Variants in RBPJ observed in about 807,000 individuals in gnomAD.
RBPJ encodes recombining binding protein suppressor of hairless.
In RBPJ, 9 loss-of-function variants were observed where a neutral mutation model predicts 67.8. The ratio of observed to expected loss-of-function variants is 0.13; its 90% confidence interval spans 0.08 to 0.23. RBPJ has a LOEUF of 0.23. Among genes scored for constraint, RBPJ ranks in the 10% least tolerant of loss-of-function variants. The probability of loss-of-function intolerance (pLI) is 1.00; values close to 1 mark genes in which losing one functional copy is unlikely to be tolerated. For synonymous variants in RBPJ, 198 were observed against 203.3 expected, an observed-to-expected ratio of 0.97 and a Z score of 0.22; for missense variants, 305 against 595.6, an observed-to-expected ratio of 0.51 and a Z score of 5.08.
At chr4:26,381,353 C>G (rs1730312442) in intron 1 of RBPJ, among the ~76,000 whole-genome samples, 1 of 151,906 alleles carries the variant, frequency 6.6e-6, no homozygotes, top group Admixed American at 6.6e-5. Context: ...CTTGAAAATT[C>G]TAATGGATTG....
chr4:26,334,066 A>G (rs1724542447), intron 1 of RBPJ, among the ~76,000 whole-genome samples: 1 of 146,086 alleles, frequency 6.8e-6, no homozygotes, highest in East Asian at 2.0e-4. Flanking sequence ...TTTTTGATGG[A>G]GTCTCGCTCC....
At chr4:26,331,087 G>A (rs969297524) in intron 1 of RBPJ, among the ~76,000 whole-genome samples, 2 of 152,152 alleles carry the variant, frequency 1.3e-5, no homozygotes, top group East Asian at 1.9e-4. Flanking sequence ...TTTGTTTTAG[G>A]GGGAGGGGAA....
intron 1 of RBPJ, among the ~76,000 whole-genome samples, chr4:26,182,063 C>G (rs1184318432): frequency 6.6e-6 from 1 of 152,196 alleles, no homozygotes; most frequent in African/African-American, 2.4e-5. Flanking sequence ...TGACTCTTGG[C>G]TGGGTGCGGT....
At chr4:26,127,284 G>A in the RBPJ span, among the ~76,000 whole-genome samples, 543 of 152,300 alleles carry the variant, frequency 3.6e-3, 1 homozygote, top group Non-Finnish European at 6.2e-3. Flanking sequence ...TTCAGCTTCC[G>A]TTGCTGCTGC....
the RBPJ span, among the ~76,000 whole-genome samples, chr4:26,109,248 T>C: frequency 2.0e-5 from 3 of 151,052 alleles, no homozygotes; most frequent in Admixed American, 6.6e-5. Flanking sequence ...GCTGGGATTA[T>C]AGGCATGGCC....
chr4:26,370,015 T>C (rs73121163), intron 1 of RBPJ, among the ~76,000 whole-genome samples: 2,810 of 152,308 alleles, frequency 0.018, 98 homozygotes, highest in African/African-American at 0.063. Context: ...TGAGAAGTTA[T>C]CTGACCAACA....
At chr4:26,274,621 G>A (rs1035856059) in intron 1 of RBPJ, among the ~76,000 whole-genome samples, 6 of 151,460 alleles carry the variant, frequency 4.0e-5, no homozygotes, top group Non-Finnish European at 2.9e-5. Flanking sequence ...TAGAGCGAGC[G>A]AGACCCTGTC....
Position 26,233,090 on chromosome 4 carries a change from A to G in RBPJ, c.-167+69476A>G, listed in dbSNP as rs533850356. Among the ~76,000 whole-genome samples, 52 of 152,354 alleles carry G rather than the reference A, an allele frequency of 3.4e-4. No homozygotes were observed. The South Asian group carries it at 0.01, about 30-fold the overall frequency. On this transcript the variant is annotated intron_variant, in intron 1 of 4. Coordinates refer to the RBPJ transcript ENST00000512351. ...GTTGTATGCACTGCAGAAACAGTAA[A>G]CACAACCTCTTTTTTCTATAGCTGA...
At chr4:26,387,140 A>G (rs941549139) in intron 2 of RBPJ, among the ~76,000 whole-genome samples, 2 of 152,132 alleles carry the variant, frequency 1.3e-5, no homozygotes, top group Admixed American at 1.3e-4. Flanking sequence ...TAATGGCTCC[A>G]TGGTTTTTCA....
At chr4:26,117,458 CGT>C in the RBPJ span, among the ~76,000 whole-genome samples, 2 of 151,984 alleles carry the variant, frequency 1.3e-5, no homozygotes, top group Non-Finnish European at 2.9e-5. Context: ...GGTAATATGA[CGT>C]ATTACATGTT....
At chr4:26,174,317 C>G (rs1716718959) in intron 1 of RBPJ, among the ~76,000 whole-genome samples, 2 of 152,180 alleles carry the variant, frequency 1.3e-5, no homozygotes. Flanking sequence ...AGGACTTCCT[C>G]TGGTGACTGA....
intron 1 of RBPJ, among the ~76,000 whole-genome samples, chr4:26,223,413 G>A (rs546909429): frequency 2.0e-5 from 3 of 152,320 alleles, no homozygotes; most frequent in East Asian, 3.9e-4. Context: ...AGATGGGAAC[G>A]ACCAACTTTG....
intron 2 of RBPJ, among the ~76,000 whole-genome samples, chr4:26,393,485 C>T (rs900109111): frequency 1.3e-5 from 2 of 152,094 alleles, no homozygotes; most frequent in Non-Finnish European, 2.9e-5. Context: ...AGCCAGCCTC[C>T]CACCTCAGCC....
the RBPJ span, among the ~76,000 whole-genome samples, chr4:26,127,729 G>A: frequency 6.6e-6 from 1 of 152,272 alleles, no homozygotes; most frequent in South Asian, 2.1e-4. Context: ...CTAGGAATAG[G>A]GTTTTGCCCA....
intron 1 of RBPJ, among the ~76,000 whole-genome samples, chr4:26,383,154 C>T (rs184344420): frequency 1.3e-5 from 2 of 152,264 alleles, no homozygotes; most frequent in African/African-American, 2.4e-5. Context: ...AGCTCTTTTG[C>T]ACATATTTTC....
intron 1 of RBPJ, among the ~76,000 whole-genome samples, chr4:26,242,925 T>C (rs910392785): frequency 6.6e-6 from 1 of 152,098 alleles, no homozygotes; most frequent in African/African-American, 2.4e-5. Context: ...ATTAGAATTG[T>C]GAACTAAGCT....
intron 1 of RBPJ, among the ~76,000 whole-genome samples, chr4:26,276,603 T>G (rs1444597106): frequency 6.6e-6 from 1 of 152,220 alleles, no homozygotes; most frequent in Non-Finnish European, 1.5e-5. Context: ...ACAGTGAAAT[T>G]CTGTCCCTGT....
At chr4:26,357,397 A>C (rs1465643622) in intron 1 of RBPJ, among the ~76,000 whole-genome samples, 1 of 152,210 alleles carries the variant, frequency 6.6e-6, no homozygotes. Flanking sequence ...AAAATGGTTG[A>C]ATGTTGTGGC....
chr4:26,343,170 C>CT (rs1725723551), intron 1 of RBPJ: 1 of 152,154 alleles, frequency 6.6e-6, no homozygotes, highest in Non-Finnish European at 1.5e-5. Flanking sequence ...CTAAGGGTGA[C>CT]TGTTTTTTCA....
Sources: gnomAD v4.1 joint callset for allele counts (sites outside exome capture counted in the v4.1 genomes callset) on GRCh38, gnomAD v4.1.1 for gene constraint, MANE v1.5 for transcripts, NCBI Gene and HGNC (gene_info 2026-07-23, HGNC 2026-07-21) for gene names.